Variants in GALNTL6 observed in about 807,000 individuals in gnomAD.
GALNTL6 encodes polypeptide N-acetylgalactosaminyltransferase like 6, also known as polypeptide N-acetylgalactosaminyltransferase-like 6.
GALNTL6 carries 46 observed loss-of-function variants against 73.7 expected under a neutral mutation model. The observed-to-expected ratio is 0.62, with a 90% CI of 0.49 to 0.80. The LOEUF (loss-of-function observed/expected upper bound fraction) is 0.80, where lower values mean the gene tolerates loss of function less well. Among genes scored for constraint, GALNTL6 ranks in the 30% least tolerant of loss-of-function variants. The pLI is 0.00. For synonymous variants in GALNTL6, 259 were observed against 263.7 expected (o/e 0.98, Z 0.17); for missense variants, 604 against 755.0 (o/e 0.80, Z 2.34).
At chr4:172,539,596 A>G (rs1165401373) in intron 5 of GALNTL6, among the ~76,000 whole-genome samples, 1 of 152,146 alleles carries the variant, frequency 6.6e-6, no homozygotes, top group South Asian at 2.1e-4. Flanking sequence ...TGAAAAGACC[A>G]TATTAGCCCA....
intron 7 of GALNTL6, among the ~76,000 whole-genome samples, chr4:172,824,489 T>C (rs1191100007): frequency 6.6e-6 from 1 of 151,996 alleles, no homozygotes; most frequent in Non-Finnish European, 1.5e-5. Flanking sequence ...TATTTATATG[T>C]GTATGTGAGT....
intron 5 of GALNTL6, among the ~76,000 whole-genome samples, chr4:172,416,547 A>G (rs1730844484): frequency 6.6e-6 from 1 of 152,282 alleles, no homozygotes; most frequent in Admixed American, 6.5e-5. Context: ...CTTTTTCATA[A>G]TAATAACTAA....
intron 10 of GALNTL6, among the ~76,000 whole-genome samples, chr4:173,006,862 C>G (rs757355596): frequency 1.3e-5 from 2 of 152,256 alleles, no homozygotes; most frequent in Non-Finnish European, 2.9e-5. Context: ...ATGTCCACCA[C>G]TTTCCTTGGA....
intron 3 of GALNTL6, among the ~76,000 whole-genome samples, chr4:172,299,916 A>G (rs1353820809): frequency 6.6e-6 from 1 of 152,110 alleles, no homozygotes; most frequent in Admixed American, 6.6e-5. Flanking sequence ...GAATTCCTGG[A>G]TATCCTTGTG....
intron 5 of GALNTL6, among the ~76,000 whole-genome samples, chr4:172,476,251 C>T (rs1345790884): frequency 1.3e-5 from 2 of 152,220 alleles, no homozygotes; most frequent in African/African-American, 4.8e-5. Context: ...GGCACCCTCT[C>T]GCTGTGTTCT....
chr4:172,044,486 A>T lies in GALNTL6; in HGVS notation c.139-185170A>T, dbSNP rs1437049526. On this transcript the variant is annotated intron_variant, in intron 2 of 12. Coordinates refer to ENST00000506823, the MANE Select transcript of GALNTL6 (RefSeq NM_001034845.3). ...CCGAGAATGTCAATTTTATCTTCAG[A>T]TATATGCCTTTCACATAGAGAAAAA... Among the ~76,000 whole-genome samples the T allele has an allele frequency of 8.6e-5, 13 of 152,020 alleles. No individual in the cohort carries two copies. The East Asian group carries it at 2.3e-3, about 27-fold the overall frequency.
chr4:172,813,505 C>T, intron 6 of GALNTL6, 35 bp from the exon 7 acceptor site: 1 of 1,538,130 alleles, frequency 6.5e-7, no homozygotes, highest in Non-Finnish European at 8.9e-7. Flanking sequence ...CCTAGGCAGG[C>T]ATGTCATTTC....
intron 5 of GALNTL6, among the ~76,000 whole-genome samples, chr4:172,481,853 G>A (rs1353777619): frequency 1.3e-5 from 2 of 152,214 alleles, no homozygotes; most frequent in Non-Finnish European, 2.9e-5. Context: ...AGGGGAATGG[G>A]CAGAACTGCC....
intron 2 of GALNTL6, among the ~76,000 whole-genome samples, chr4:171,852,806 TAAGTC>T (rs34218930): frequency 0.75 from 113,405 of 150,646 alleles, 42,777 homozygotes; most frequent in South Asian, 0.87. Context: ...AAGAAAAAGA[TAAGTC>T]AAGTCACTTC....
chr4:171,944,658 G>A (rs1287642613), intron 2 of GALNTL6, among the ~76,000 whole-genome samples: 1 of 151,862 alleles, frequency 6.6e-6, no homozygotes, highest in Non-Finnish European at 1.5e-5. Context: ...TAGACAGGTA[G>A]GAGAGTTATA....
At chr4:171,898,481 A>C (rs557316371) in intron 2 of GALNTL6, among the ~76,000 whole-genome samples, 20 of 152,240 alleles carry the variant, frequency 1.3e-4, no homozygotes, top group Non-Finnish European at 2.4e-4. Flanking sequence ...ATGATAAATA[A>C]ATTTTTATAT....
At chr4:172,409,808 A>G (rs1034639496) in intron 5 of GALNTL6, among the ~76,000 whole-genome samples, 2 of 152,018 alleles carry the variant, frequency 1.3e-5, no homozygotes, top group African/African-American at 4.8e-5. Context: ...TCCTTTGTCT[A>G]TTAATTCAAA....
intron 12 of GALNTL6, among the ~76,000 whole-genome samples, chr4:173,039,372 G>A (rs1259268008): frequency 6.6e-6 from 1 of 151,586 alleles, no homozygotes; most frequent in African/African-American, 2.4e-5. Context: ...CTTCTGAAAA[G>A]GGCAGCTGAG....
chr4:172,874,461 T>C (rs530979868), intron 7 of GALNTL6, among the ~76,000 whole-genome samples: 4 of 152,308 alleles, frequency 2.6e-5, no homozygotes, highest in Middle Eastern at 3.4e-3. Flanking sequence ...GCAAAGGTCA[T>C]GTTGGAGGAC....
chr4:172,342,601 CT>C (rs1188401935), intron 4 of GALNTL6, among the ~76,000 whole-genome samples: 2 of 152,194 alleles, frequency 1.3e-5, no homozygotes, highest in African/African-American at 4.8e-5. Context: ...CTAATATCCT[CT>C]GTTGTCATGC....
intron 5 of GALNTL6, among the ~76,000 whole-genome samples, chr4:172,695,005 C>T (rs886527320): frequency 1.8e-4 from 27 of 152,122 alleles, no homozygotes; most frequent in African/African-American, 6.0e-4. Context: ...CAGTCTTTGG[C>T]AAATCATGCT....
chr4:172,758,921 C>T (rs1737908555), intron 5 of GALNTL6, among the ~76,000 whole-genome samples: 1 of 152,182 alleles, frequency 6.6e-6, no homozygotes, highest in Admixed American at 6.5e-5. Flanking sequence ...CAATAAAAGT[C>T]CCAAGGGGGG....
chr4:172,124,597 CT>C (rs1441979603), intron 2 of GALNTL6, among the ~76,000 whole-genome samples: 1 of 152,022 alleles, frequency 6.6e-6, no homozygotes, highest in Admixed American at 6.6e-5. Context: ...ATCAAAAAAT[CT>C]AATAAAGGCA....
intron 3 of GALNTL6, among the ~76,000 whole-genome samples, chr4:172,265,523 A>G (rs543568561): frequency 6.6e-6 from 1 of 152,234 alleles, no homozygotes; most frequent in African/African-American, 2.4e-5. Flanking sequence ...CAGGTAGGTT[A>G]GGAATTCATC....
Sources: allele counts gnomAD v4.1 joint callset (sites outside exome capture counted in the v4.1 genomes callset), GRCh38; gene constraint gnomAD v4.1.1; transcripts MANE v1.5; gene names NCBI Gene and HGNC (gene_info 2026-07-23, HGNC 2026-07-21).